Variants in EIPR1 observed in about 807,000 individuals in gnomAD.
EIPR1 encodes the protein EARP complex and GARP complex interacting protein 1.
In EIPR1, 25 loss-of-function variants were observed where a neutral mutation model predicts 48.1. That is an observed-to-expected ratio of 0.52 (90% CI 0.38 to 0.73). The LOEUF is 0.73. Ranked by LOEUF, EIPR1 falls within the 30% of genes least tolerant of loss-of-function variation. The probability of loss-of-function intolerance (pLI) is 0.00; values close to 1 mark genes in which losing one functional copy is unlikely to be tolerated. For synonymous variants in EIPR1, 204 were observed against 201.9 expected, an observed-to-expected ratio of 1.01 and a Z score of -0.09; for missense variants, 415 against 506.2, an observed-to-expected ratio of 0.82 and a Z score of 1.73.
chr2:3,291,857 G>A (rs1668374567), intron 3 of EIPR1, among the ~76,000 whole-genome samples: 1 of 152,256 alleles, frequency 6.6e-6, no homozygotes, highest in East Asian at 1.9e-4. Context: ...GTAAAGGTAA[G>A]TTGGTCACCT....
chr2:3,338,952 A>T (rs1670150522), intron 2 of EIPR1, among the ~76,000 whole-genome samples: 1 of 152,248 alleles, frequency 6.6e-6, no homozygotes, highest in Non-Finnish European at 1.5e-5. Flanking sequence ...ATTTATATCC[A>T]AGTACGTTTA....
At chr2:3,218,807 G>A (rs527716569) in intron 4 of EIPR1, among the ~76,000 whole-genome samples, 4 of 149,186 alleles carry the variant, frequency 2.7e-5, no homozygotes, top group East Asian at 2.0e-4. Flanking sequence ...CACCCAACAC[G>A]GCCCTGATAC....
intron 1 of EIPR1, among the ~76,000 whole-genome samples, chr2:3,362,472 T>C (rs547202527): frequency 1.3e-5 from 2 of 152,318 alleles, no homozygotes; most frequent in South Asian, 4.1e-4. Flanking sequence ...TTCCAGTTTT[T>C]ACCCTAAACC....
At chr2:3,302,490 T>C (rs1448202597) in intron 3 of EIPR1, among the ~76,000 whole-genome samples, 1 of 152,258 alleles carries the variant, frequency 6.6e-6, no homozygotes, top group African/African-American at 2.4e-5. Context: ...CACACTCTCC[T>C]TTCTTTGCCT....
intron 2 of EIPR1, among the ~76,000 whole-genome samples, chr2:3,350,190 T>C (rs1159990622): frequency 6.8e-6 from 1 of 146,024 alleles, no homozygotes; most frequent in Non-Finnish European, 1.5e-5. Flanking sequence ...TTTAATTGAC[T>C]CACAGTGCCA....
intron 3 of EIPR1, among the ~76,000 whole-genome samples, chr2:3,278,402 C>G (rs1347171133): frequency 6.6e-6 from 1 of 152,186 alleles, no homozygotes; most frequent in Non-Finnish European, 1.5e-5. Flanking sequence ...GGGGAACCTG[C>G]CTTTAACCTG....
At chr2:3,301,793 T>A (rs1000505284) in intron 3 of EIPR1, among the ~76,000 whole-genome samples, 12 of 152,224 alleles carry the variant, frequency 7.9e-5, no homozygotes, top group African/African-American at 2.4e-4. Context: ...CTTTGATACC[T>A]GTGGATACTC....
chr2:3,257,211 G>C, intron 4 of EIPR1, 88 bp downstream of exon 4: 1 of 1,425,092 alleles, frequency 7.0e-7, no homozygotes, highest in African/African-American at 1.4e-5. Context: ...GGTGTGGACG[G>C]TGGCTCCTGC....
intron 3 of EIPR1, among the ~76,000 whole-genome samples, chr2:3,297,875 G>A (rs1363980245): frequency 6.6e-6 from 1 of 152,156 alleles, no homozygotes; most frequent in Non-Finnish European, 1.5e-5. Flanking sequence ...AGGCTGGAGT[G>A]CAGTGGCTCC....
chr2:3,333,957 G>A (rs988811476), intron 3 of EIPR1, among the ~76,000 whole-genome samples: 2 of 152,124 alleles, frequency 1.3e-5, no homozygotes, highest in Non-Finnish European at 2.9e-5. Context: ...TGCGCCGAAA[G>A]GTGTGTCTCA....
chr2:3,316,710 G>A (rs1669312809), intron 3 of EIPR1, among the ~76,000 whole-genome samples: 1 of 152,212 alleles, frequency 6.6e-6, no homozygotes, highest in Non-Finnish European at 1.5e-5. Flanking sequence ...AAGGGTTGCT[G>A]TACAGATAAC....
chr2:3,323,505 T>C (rs2103328543), intron 3 of EIPR1, among the ~76,000 whole-genome samples: 1 of 152,362 alleles, frequency 6.6e-6, no homozygotes, highest in South Asian at 2.1e-4. Flanking sequence ...GTCTTCATTC[T>C]GCATTTTCTC....
intron 5 of EIPR1, chr2:3,208,379 C>G (rs1665306588): frequency 1.5e-6 from 2 of 1,351,076 alleles, no homozygotes; most frequent in African/African-American, 1.5e-5. Flanking sequence ...TATAGGGCAT[C>G]AGACCTGACC....
rs1414494635 is a variant in EIPR1 at position 3,299,618 on chromosome 2, TCTCTCTCACACACA to T, written c.259+38385_259+38398del. 2.5e-3 allele frequency among the ~76,000 whole-genome samples: 315 copies of T among 126,070 alleles called. 2 individuals carry two copies. Among genetic ancestry groups the T allele is most frequent in the African/African-American group, 8.4e-3 (285 of 33,992 alleles). 82.7% of individuals were successfully genotyped at this position (126,070 alleles called of 152,430 possible). On this transcript the variant is annotated intron_variant, in intron 3 of 8. Transcript: ENST00000382125. ...GGAAAATATTTTCTCTCTCTCTCTC[TCTCTCTCACACACA>T]CACACACACACACACACACACACAC...
intron 3 of EIPR1, among the ~76,000 whole-genome samples, chr2:3,293,561 G>A (rs1312504568): frequency 6.6e-6 from 1 of 152,316 alleles, no homozygotes. Flanking sequence ...CATCAGCCAC[G>A]ACTGGACCAG....
chr2:3,253,047 G>A (rs188296122), intron 4 of EIPR1, among the ~76,000 whole-genome samples: 1 of 152,292 alleles, frequency 6.6e-6, no homozygotes, highest in Admixed American at 6.5e-5. Flanking sequence ...CATCGACACA[G>A]GCTTTAAGTC....
At chr2:3,352,771 C>G (rs1430844800) in intron 2 of EIPR1, among the ~76,000 whole-genome samples, 1 of 152,182 alleles carries the variant, frequency 6.6e-6, no homozygotes, top group Non-Finnish European at 1.5e-5. Flanking sequence ...CTGAGGCCAG[C>G]AGATAACCTG....
At chr2:3,376,926 C>T (rs1659903030) in intron 1 of EIPR1, among the ~76,000 whole-genome samples, 1 of 152,192 alleles carries the variant, frequency 6.6e-6, no homozygotes. Flanking sequence ...CATCCCCTAC[C>T]TCATTCCCCC....
intron 3 of EIPR1, among the ~76,000 whole-genome samples, chr2:3,302,577 T>C (rs896966819): frequency 3.3e-5 from 5 of 152,246 alleles, no homozygotes; most frequent in Admixed American, 1.3e-4. Context: ...AGTTGGTGGA[T>C]GGCGACAGGC....
Sources: allele counts gnomAD v4.1 joint callset (sites outside exome capture counted in the v4.1 genomes callset), GRCh38; gene constraint gnomAD v4.1.1; transcripts MANE v1.5; gene names NCBI Gene and HGNC (gene_info 2026-07-23, HGNC 2026-07-21).